FOXP2: variants seen among roughly 807,000 people sequenced by gnomAD.
FOXP2 encodes the protein forkhead box protein P2.
A neutral mutation model predicts 115.8 loss-of-function variants in FOXP2; 12 were observed. The observed-to-expected ratio is 0.10, with a 90% CI of 0.07 to 0.17. The LOEUF is 0.17. FOXP2 is among the 10% of genes least tolerant of loss of function. FOXP2 has a pLI of 1.00. For synonymous variants in FOXP2, 328 were observed against 297.7 expected (o/e 1.10, Z -1.05); for missense variants, 629 against 843.5 (o/e 0.75, Z 3.15).
rs767245829 is a variant in FOXP2, at chr7:114,659,449, T to G, written c.1545+17T>G. ...ATAAGGCAGGTAAGTAGAAGGAAAA[T>G]TAACTTTGCCTGATTAAATTAAAAT... On this transcript the variant is annotated intron_variant, in intron 12 of 16. Transcript: ENST00000350908. 1.3e-5 allele frequency: 21 copies of G among 1,607,584 alleles called. No homozygotes were observed. Among genetic ancestry groups the G allele is most frequent in the Non-Finnish European group, 1.7e-5 (20 of 1,174,344 alleles).
chr7:114,642,335 T>C, intron 6 of FOXP2, 75 bp from the exon 7 acceptor site: 1 of 1,159,292 alleles, frequency 8.6e-7, no homozygotes. Flanking sequence ...TATTAATCTA[T>C]TAATAACACA....
At chr7:114,102,287 A>G (rs2129140840) in intron 1 of FOXP2, among the ~76,000 whole-genome samples, 1 of 152,082 alleles carries the variant, frequency 6.6e-6, no homozygotes, top group Non-Finnish European at 1.5e-5. Flanking sequence ...CATAATTTCA[A>G]TAGATGAGGT....
chr7:114,621,835 T>C (rs1804273225), intron 3 of FOXP2, among the ~76,000 whole-genome samples: 1 of 152,022 alleles, frequency 6.6e-6, no homozygotes, highest in African/African-American at 2.4e-5. Context: ...CACTTAAAAA[T>C]AATCAGTAAC....
chr7:114,293,524 T>A (rs1054309882), intron 2 of FOXP2, among the ~76,000 whole-genome samples: 5 of 152,180 alleles, frequency 3.3e-5, no homozygotes, highest in Non-Finnish European at 7.3e-5. Context: ...ATTTGAGATA[T>A]GATATAATTT....
At chr7:114,303,766 T>C (rs1053162623) in intron 2 of FOXP2, among the ~76,000 whole-genome samples, 6 of 152,162 alleles carry the variant, frequency 3.9e-5, no homozygotes, top group Non-Finnish European at 7.4e-5. Context: ...TATTGGTTAG[T>C]TGTGAACTTT....
intron 1 of FOXP2, among the ~76,000 whole-genome samples, chr7:114,167,728 A>G (rs1202305785): frequency 6.6e-6 from 1 of 152,092 alleles, no homozygotes; most frequent in East Asian, 1.9e-4. Flanking sequence ...GGAGGTCAGG[A>G]GATCGAGACC....
intron 1 of FOXP2, among the ~76,000 whole-genome samples, chr7:114,219,285 A>G (rs1794559993): frequency 6.6e-6 from 1 of 152,162 alleles, no homozygotes; most frequent in Non-Finnish European, 1.5e-5. Flanking sequence ...GGAGATCATA[A>G]GGTCGATTTC....
At chr7:114,533,840 A>G (rs958675557) in intron 2 of FOXP2, among the ~76,000 whole-genome samples, 10 of 152,044 alleles carry the variant, frequency 6.6e-5, no homozygotes, top group Admixed American at 6.6e-4. Context: ...TATATAGTAC[A>G]TTTACTGAAC....
At chr7:114,143,492 T>G (rs879876073) in intron 1 of FOXP2, among the ~76,000 whole-genome samples, 6 of 151,984 alleles carry the variant, frequency 3.9e-5, no homozygotes, top group Admixed American at 3.9e-4. Flanking sequence ...GGTATGACAA[T>G]AGTTTATTTT....
At chr7:114,266,909 C>T (rs1375363339) in intron 1 of FOXP2, among the ~76,000 whole-genome samples, 2 of 151,844 alleles carry the variant, frequency 1.3e-5, no homozygotes, top group African/African-American at 4.8e-5. Flanking sequence ...TTTGAAAGAC[C>T]CTCGAGGAGC....
intron 1 of FOXP2, among the ~76,000 whole-genome samples, chr7:114,285,089 T>C (rs1284964399): frequency 6.6e-6 from 1 of 152,076 alleles, no homozygotes; most frequent in Non-Finnish European, 1.5e-5. Flanking sequence ...CTAGGCTCAA[T>C]ACCTGCATGA....
intron 1 of FOXP2, among the ~76,000 whole-genome samples, chr7:114,195,245 A>G (rs1793873165): frequency 6.6e-6 from 1 of 152,204 alleles, no homozygotes; most frequent in African/African-American, 2.4e-5. Context: ...GACATTGAAG[A>G]AAGAGACCAA....
intron 2 of FOXP2, among the ~76,000 whole-genome samples, chr7:114,375,829 C>G (rs959905126): frequency 2.0e-5 from 3 of 152,138 alleles, no homozygotes; most frequent in Non-Finnish European, 4.4e-5. Flanking sequence ...GCTTAAAAGA[C>G]TCAAGTGTCA....
At chr7:114,152,719 G>T (rs1320482914) in intron 1 of FOXP2, among the ~76,000 whole-genome samples, 1 of 152,094 alleles carries the variant, frequency 6.6e-6, no homozygotes, top group East Asian at 1.9e-4. Context: ...GTGATTTGGA[G>T]GGAGGGTAGA....
chr7:114,516,548 A>C (rs958595866), intron 2 of FOXP2, among the ~76,000 whole-genome samples: 1 of 152,002 alleles, frequency 6.6e-6, no homozygotes, highest in African/African-American at 2.4e-5. Flanking sequence ...GCTGCATCAT[A>C]TGATAGTTCT....
chr7:114,610,480 T>G (rs1309171358), intron 3 of FOXP2, among the ~76,000 whole-genome samples: 1 of 152,146 alleles, frequency 6.6e-6, no homozygotes, highest in Admixed American at 6.5e-5. Context: ...TAAAATATAT[T>G]TTAATATTTT....
chr7:114,232,972 C>T (rs146473331), intron 1 of FOXP2, among the ~76,000 whole-genome samples: 1 of 152,230 alleles, frequency 6.6e-6, no homozygotes, highest in Non-Finnish European at 1.5e-5. Flanking sequence ...TAGTCAAACT[C>T]ATAAAGCAGA....
In FOXP2 at chr7:114,329,304, G is replaced by C. The variant is rs574998524; in HGVS notation, c.-11+41195G>C. Among the ~76,000 whole-genome samples, 483 of 152,110 alleles carry C rather than the reference G, an allele frequency of 3.2e-3. 5 individuals carry two copies. Among genetic ancestry groups the C allele is most frequent in the African/African-American group, 0.011 (464 of 41,502 alleles). ...AGGCTGAAGCAGGCGGATCACCTGAGGTCAGGAGTTCAAGACCAGCCTTGT... is the reference window on the plus strand; with the variant it reads ...AGGCTGAAGCAGGCGGATCACCTGACGTCAGGAGTTCAAGACCAGCCTTGT... On this transcript the variant is annotated intron_variant, in intron 2 of 17. Transcript: ENST00000634411.
chr7:114,555,198 C>T (rs1317635795), intron 3 of FOXP2, among the ~76,000 whole-genome samples: 1 of 152,116 alleles, frequency 6.6e-6, no homozygotes, highest in Admixed American at 6.5e-5. Flanking sequence ...TTTATTTATG[C>T]TCTTTCATTT....
Sources: allele counts gnomAD v4.1 joint callset (sites outside exome capture counted in the v4.1 genomes callset), GRCh38; gene constraint gnomAD v4.1.1; transcripts MANE v1.5; gene names NCBI Gene and HGNC (gene_info 2026-07-23, HGNC 2026-07-21).